The following RGS7 variants were observed in gnomAD, a reference collection of about 807,000 sequenced individuals.
RGS7 encodes the protein regulator of G-protein signaling 7.
RGS7 carries 27 observed loss-of-function variants against 81.1 expected under a neutral mutation model. The ratio of observed to expected loss-of-function variants is 0.33; its 90% CI spans 0.25 to 0.46. The LOEUF is 0.46. RGS7 is among the 20% of genes least tolerant of loss of function. RGS7 has a pLI of 1.00. For missense variants in RGS7, 396 were observed against 607.4 expected (o/e 0.65, Z 3.66); for synonymous variants, 208 against 207.7 (o/e 1.00, Z -0.01).
intron 4 of RGS7, among the ~76,000 whole-genome samples, chr1:240,951,068 C>T (rs975099249): frequency 3.9e-5 from 6 of 152,016 alleles, no homozygotes; most frequent in African/African-American, 1.5e-4. Flanking sequence ...ACCACAGGCA[C>T]GTGCAACCAC....
chr1:241,173,482 A>G (rs1173914657), intron 2 of RGS7, among the ~76,000 whole-genome samples: 2 of 152,336 alleles, frequency 1.3e-5, no homozygotes, highest in East Asian at 3.9e-4. Flanking sequence ...CAGCTATTTT[A>G]GTGGTAATCT....
chr1:241,252,576 G>A (rs2076885898), intron 2 of RGS7, among the ~76,000 whole-genome samples: 1 of 152,146 alleles, frequency 6.6e-6, no homozygotes, highest in Non-Finnish European at 1.5e-5. Context: ...GTAACCTGTA[G>A]AGAAATTCTA....
intron 2 of RGS7, among the ~76,000 whole-genome samples, chr1:241,123,300 T>C (rs1490983192): frequency 6.6e-6 from 1 of 152,198 alleles, no homozygotes; most frequent in Non-Finnish European, 1.5e-5. Flanking sequence ...CCAACCCAGC[T>C]GCTCCTTTCT....
At chr1:240,913,305 A>G (rs1032666728) in intron 6 of RGS7, among the ~76,000 whole-genome samples, 1 of 152,222 alleles carries the variant, frequency 6.6e-6, no homozygotes, top group African/African-American at 2.4e-5. Flanking sequence ...ATACATGCAT[A>G]CCTACATGTA....
intron 4 of RGS7, among the ~76,000 whole-genome samples, chr1:240,939,028 C>T (rs575925937): frequency 1.3e-5 from 2 of 152,186 alleles, no homozygotes; most frequent in South Asian, 4.1e-4. Context: ...TGTGCCTCCC[C>T]CATCTATTAA....
chr1:241,194,829 T>C (rs1354774511), intron 2 of RGS7, among the ~76,000 whole-genome samples: 1 of 151,860 alleles, frequency 6.6e-6, no homozygotes, highest in African/African-American at 2.4e-5. Flanking sequence ...GGCTTGGAGG[T>C]TGACAGGAGT....
chr1:241,320,934 T>C (rs1159843831), intron 2 of RGS7, among the ~76,000 whole-genome samples: 2 of 152,184 alleles, frequency 1.3e-5, no homozygotes, highest in African/African-American at 2.4e-5. Flanking sequence ...AATTGCCTAA[T>C]ATCATCAATG....
At chr1:241,262,866 C>G (rs550822717) in intron 2 of RGS7, among the ~76,000 whole-genome samples, 1 of 151,964 alleles carries the variant, frequency 6.6e-6, no homozygotes, top group Non-Finnish European at 1.5e-5. Flanking sequence ...TTTGGGAGGC[C>G]GAGGCGGGTG....
intron 2 of RGS7, among the ~76,000 whole-genome samples, chr1:241,204,868 C>G (rs1002837188): frequency 7.2e-5 from 11 of 152,062 alleles, no homozygotes; most frequent in African/African-American, 2.7e-4. Context: ...CCTCAAAATA[C>G]TTTGGACTAA....
At chr1:241,162,191 A>G (rs556800802) in intron 2 of RGS7, among the ~76,000 whole-genome samples, 138 of 149,038 alleles carry the variant, frequency 9.3e-4, no homozygotes, top group Non-Finnish European at 1.8e-3. Flanking sequence ...CCGTCTCCCA[A>G]TAGATATAAA....
chr1:240,945,611 A>G (rs1310424950), intron 4 of RGS7, among the ~76,000 whole-genome samples: 1 of 152,240 alleles, frequency 6.6e-6, no homozygotes, highest in African/African-American at 2.4e-5. Context: ...ATGAATGATA[A>G]GTCTAATTTC....
intron 4 of RGS7, among the ~76,000 whole-genome samples, chr1:240,978,146 A>G (rs1316040502): frequency 6.6e-6 from 1 of 152,230 alleles, no homozygotes; most frequent in African/African-American, 2.4e-5. Flanking sequence ...ACTGACATAT[A>G]CATACATTAA....
intron 4 of RGS7, among the ~76,000 whole-genome samples, chr1:240,955,396 C>T (rs1674750): frequency 0.87 from 132,082 of 151,960 alleles, 57,576 homozygotes; most frequent in Admixed American, 0.93. Context: ...ACTAAAAATA[C>T]AAAAAATTAG....
chr1:240,800,394 G>A lies in RGS7; in HGVS notation c.*6+247C>T, dbSNP rs575138428. Among the ~76,000 whole-genome samples, 91 of 152,170 alleles carry A rather than the reference G, an allele frequency of 6.0e-4. 1 individual carries two copies. In the South Asian group the frequency reaches 0.015, roughly 25 times the overall value. ...AATTCTTTCAAATACTCTGTGTACC[G>A]TTGCAATGGTAATTCACAAGTAGAA... is the stretch of plus-strand genomic sequence containing the variant. On this transcript the variant is annotated intron_variant, in intron 18 of 18. Transcript: ENST00000440928.
chr1:241,065,651 T>G (rs1189378993), intron 3 of RGS7, among the ~76,000 whole-genome samples: 2 of 152,228 alleles, frequency 1.3e-5, no homozygotes, highest in Non-Finnish European at 2.9e-5. Context: ...GTGTTTCTCC[T>G]CTCTATATTA....
chr1:241,280,063 G>C (rs1333240143), intron 2 of RGS7, among the ~76,000 whole-genome samples: 1 of 152,200 alleles, frequency 6.6e-6, no homozygotes, highest in Non-Finnish European at 1.5e-5. Context: ...TTCTCTGAGA[G>C]ATCACCTCAG....
At chr1:241,137,265 C>T (rs1343436816) in intron 2 of RGS7, among the ~76,000 whole-genome samples, 1 of 151,622 alleles carries the variant, frequency 6.6e-6, no homozygotes, top group African/African-American at 2.4e-5. Context: ...ATTTATGTTT[C>T]CCAGGTCTTT....
chr1:241,024,138 C>A (rs929007925), intron 3 of RGS7, among the ~76,000 whole-genome samples: 1 of 152,190 alleles, frequency 6.6e-6, no homozygotes, highest in African/African-American at 2.4e-5. Flanking sequence ...GTAACCCAGG[C>A]CACCTAGCTT....
At chr1:240,854,823 C>T (rs981073486) in intron 9 of RGS7, among the ~76,000 whole-genome samples, 1 of 152,170 alleles carries the variant, frequency 6.6e-6, no homozygotes, top group African/African-American at 2.4e-5. Context: ...CCGGCCTACA[C>T]GGGTTGTTCT....
Sources: gnomAD v4.1 joint callset for allele counts (sites outside exome capture counted in the v4.1 genomes callset) on GRCh38, gnomAD v4.1.1 for gene constraint, MANE v1.5 for transcripts, NCBI Gene and HGNC (gene_info 2026-07-23, HGNC 2026-07-21) for gene names.